Variants in LPP observed in about 807,000 individuals in gnomAD.
LPP encodes LIM domain containing preferred translocation partner in lipoma, also known as lipoma-preferred partner.
A neutral mutation model predicts 60.4 loss-of-function variants in LPP; 38 were observed. That is an observed-to-expected ratio of 0.63 (90% CI 0.49 to 0.83). The LOEUF is 0.83. Among genes scored for constraint, LPP ranks in the 40% least tolerant of loss-of-function variants. The pLI, the probability that LPP is intolerant of heterozygous loss-of-function variation, is 0.00. For synonymous variants in LPP, 328 were observed against 290.8 expected, an observed-to-expected ratio of 1.13 and a Z score of -1.30; for missense variants, 902 against 783.6, an observed-to-expected ratio of 1.15 and a Z score of -1.80.
chr3:188,799,667 T>A (rs1746415934), intron 9 of LPP, among the ~76,000 whole-genome samples: 1 of 152,202 alleles, frequency 6.6e-6, no homozygotes, highest in African/African-American at 2.4e-5. Flanking sequence ...CCTGTTACCT[T>A]AATTTTATAG....
intron 3 of LPP, among the ~76,000 whole-genome samples, chr3:188,382,596 G>T (rs562947408): frequency 6.6e-6 from 1 of 152,198 alleles, no homozygotes; most frequent in South Asian, 2.1e-4. Context: ...CACTCTCTGG[G>T]TTAACTCTAA....
chr3:188,594,729 T>G (rs1001282750), intron 6 of LPP, among the ~76,000 whole-genome samples: 2 of 152,198 alleles, frequency 1.3e-5, no homozygotes, highest in African/African-American at 4.8e-5. Context: ...GAAAACATAT[T>G]TGGAGATATG....
intron 6 of LPP, among the ~76,000 whole-genome samples, chr3:188,599,634 A>G (rs1282222245): frequency 6.6e-6 from 1 of 152,158 alleles, no homozygotes; most frequent in Non-Finnish European, 1.5e-5. Flanking sequence ...GCTATTAAGA[A>G]TAACCCGTCA....
chr3:188,675,913 C>T (rs1857963577), intron 7 of LPP, among the ~76,000 whole-genome samples: 3 of 152,168 alleles, frequency 2.0e-5, no homozygotes, highest in South Asian at 2.1e-4. Context: ...TGTACTGCCC[C>T]GACTGCTGCA....
chr3:188,735,638 C>G (rs1722239563), intron 8 of LPP, among the ~76,000 whole-genome samples: 1 of 152,126 alleles, frequency 6.6e-6, no homozygotes, highest in Non-Finnish European at 1.5e-5. Flanking sequence ...CCCACCTCAG[C>G]CTCCCAAAGT....
At chr3:188,384,746 C>T (rs1470444273) in intron 3 of LPP, among the ~76,000 whole-genome samples, 10 of 130,968 alleles carry the variant, frequency 7.6e-5, no homozygotes, top group Non-Finnish European at 1.4e-4. Context: ...GCTGAGATTG[C>T]GTCACTGCAC....
intron 9 of LPP, among the ~76,000 whole-genome samples, chr3:188,812,283 T>C (rs962067366): frequency 1.3e-5 from 2 of 152,188 alleles, no homozygotes; most frequent in Non-Finnish European, 2.9e-5. Context: ...TGCTCCCCAA[T>C]TCCTTTTATT....
intron 1 of LPP, among the ~76,000 whole-genome samples, chr3:188,186,588 A>G (rs1213679817): frequency 2.6e-5 from 3 of 115,796 alleles, no homozygotes; most frequent in African/African-American, 9.2e-5. Flanking sequence ...TTTTTTTCTA[A>G]GTTTTTTTTT....
intron 2 of LPP, among the ~76,000 whole-genome samples, chr3:188,275,145 G>A (rs1739209928): frequency 6.6e-6 from 1 of 152,192 alleles, no homozygotes; most frequent in Admixed American, 6.5e-5. Flanking sequence ...GACTGGAATG[G>A]CCAGAGCCCA....
Position 188,872,770 on chromosome 3 carries a change from T to G in LPP, c.1710+7T>G, listed in dbSNP as rs1768461963. 1.2e-6 allele frequency: 2 copies of G among 1,613,650 alleles called. No individual in the cohort carries two copies. The highest frequency in any genetic ancestry group is 1.7e-6 in the Non-Finnish European group (2 of 1,179,896). On this transcript the variant is annotated splice_region_variant and intron_variant, in intron 11 of 11. Coordinates refer to ENST00000617246, the MANE Select transcript of LPP (RefSeq NM_001375462.1). ...TCACTGCTACCGATGCGAGGTCTGG[T>G]TGACAGCCCTGCCCTGCCAGTCTGT...
At chr3:188,282,850 CA>C (rs1742585718) in intron 2 of LPP, among the ~76,000 whole-genome samples, 1 of 152,168 alleles carries the variant, frequency 6.6e-6, no homozygotes, top group African/African-American at 2.4e-5. Context: ...TTTCATACAC[CA>C]CCTTGTATTC....
chr3:188,545,375 C>T (rs1344787304), intron 6 of LPP, among the ~76,000 whole-genome samples: 2 of 150,816 alleles, frequency 1.3e-5, no homozygotes, highest in Non-Finnish European at 3.0e-5. Flanking sequence ...CAAGCACTCC[C>T]TTTTGACAGA....
chr3:188,766,379 A>G (rs1189713432), intron 9 of LPP, among the ~76,000 whole-genome samples: 1 of 69,182 alleles, frequency 1.4e-5, no homozygotes, highest in African/African-American at 4.6e-5. Flanking sequence ...CTTAAAAAGC[A>G]AAAAAAAAAG....
chr3:188,314,193 T>C (rs993223275), intron 2 of LPP, among the ~76,000 whole-genome samples: 3 of 152,220 alleles, frequency 2.0e-5, no homozygotes, highest in Non-Finnish European at 4.4e-5. Context: ...CTGAGTTTAA[T>C]GGGAATGCTC....
intron 6 of LPP, among the ~76,000 whole-genome samples, chr3:188,592,557 G>GTTTGTTTGTTTTTTT (rs1260656926): frequency 1.2e-5 from 1 of 85,754 alleles, no homozygotes; most frequent in Non-Finnish European, 2.3e-5. Flanking sequence ...TTTTGTTTTT[G>GTTTGTTTGTTTTTTT]TTTTTTAAAT....
At chr3:188,704,823 G>A (rs1288375999) in intron 7 of LPP, among the ~76,000 whole-genome samples, 2 of 151,894 alleles carry the variant, frequency 1.3e-5, no homozygotes, top group Non-Finnish European at 2.9e-5. Context: ...TTTGAGACTT[G>A]TCCACGTTCT....
chr3:188,356,023 A>T (rs1420911396), intron 3 of LPP, among the ~76,000 whole-genome samples: 1 of 152,184 alleles, frequency 6.6e-6, no homozygotes, highest in Non-Finnish European at 1.5e-5. Flanking sequence ...ATAGTAGCTT[A>T]AAAAATTTCT....
intron 1 of LPP, among the ~76,000 whole-genome samples, chr3:188,214,587 G>A (rs907990480): frequency 6.6e-6 from 1 of 152,208 alleles, no homozygotes; most frequent in East Asian, 1.9e-4. Flanking sequence ...TTTAAAGAGA[G>A]GGGAAGCGAC....
intron 2 of LPP, among the ~76,000 whole-genome samples, chr3:188,248,225 A>G (rs929446572): frequency 3.9e-5 from 6 of 152,172 alleles, no homozygotes; most frequent in Admixed American, 3.9e-4. Context: ...AAGGCTTACA[A>G]GCCTTGAAGT....
Sources: gnomAD v4.1 joint callset for allele counts (sites outside exome capture counted in the v4.1 genomes callset) on GRCh38, gnomAD v4.1.1 for gene constraint, MANE v1.5 for transcripts, NCBI Gene and HGNC (gene_info 2026-07-23, HGNC 2026-07-21) for gene names.